MROH1: variants seen among roughly 807,000 people sequenced by gnomAD.
The protein encoded by MROH1 is maestro heat-like repeat-containing protein family member 1.
MROH1 carries 117 observed loss-of-function variants against 116.5 expected under a neutral mutation model. The ratio of observed to expected loss-of-function variants is 1.00; its 90% CI spans 0.86 to 1.17. The LOEUF is 1.17. Among genes scored for constraint, MROH1 ranks in the 50% most tolerant of loss-of-function variants. The pLI is 0.00. For synonymous variants in MROH1, 921 were observed against 583.9 expected, an observed-to-expected ratio of 1.58 and a Z score of -8.32; for missense variants, 1,873 against 1,338.5, an observed-to-expected ratio of 1.40 and a Z score of -6.23.
intron 12 of MROH1, among the ~76,000 whole-genome samples, chr8:144,205,188 C>G (rs1310254421): frequency 2.0e-5 from 3 of 152,198 alleles, no homozygotes; most frequent in African/African-American, 7.2e-5. Flanking sequence ...TTGCACCCAG[C>G]CAGAAGTCAT....
intron 14 of MROH1, among the ~76,000 whole-genome samples, chr8:144,236,749 TAAAATAAAATAAAAC>T (rs1485246469): frequency 6.6e-6 from 1 of 151,260 alleles, no homozygotes; most frequent in East Asian, 1.9e-4. Flanking sequence ...TCTCAAAAAA[TAAAATAAAATAAAAC>T]AAAATAAAAT....
intron 12 of MROH1, among the ~76,000 whole-genome samples, chr8:144,208,705 A>AC (rs1284907410): frequency 6.6e-6 from 1 of 151,386 alleles, no homozygotes; most frequent in African/African-American, 2.4e-5. Context: ...CTTTCCTTAC[A>AC]CCAATATCAC....
chr8:144,151,671 G>T (rs1414791901), intron 1 of MROH1, among the ~76,000 whole-genome samples: 1 of 152,210 alleles, frequency 6.6e-6, no homozygotes, highest in African/African-American at 2.4e-5. Context: ...GTCTAATTGA[G>T]CTGTTTAGCA....
rs1193368094 is a variant in MROH1, at chr8:144,258,903, C to G, written c.3918C>G (p.Thr1306=). The change falls in exon 36 of 44, where the codon ACC becomes ACG. Residue 1306 remains threonine, a synonymous_variant. Transcript: ENST00000326134. ...CGGCGGGGCATGAGGAGGGGGCCAC[C>G]AGGTTGGCCAGGTGAGCGGGCCCAG... ...RTSAGHEEGA[T]RLARAMAEHA... is the part of the protein sequence containing the mutation. The G allele has an allele frequency of 2.7e-6, 2 of 752,214 alleles. No homozygotes were observed. Among genetic ancestry groups the G allele is most frequent in the Admixed American group, 3.6e-5 (2 of 55,672 alleles). The allele number at this position is 752,214 out of a possible 1,614,324, so 46.6% of individuals were successfully genotyped here. A position where few individuals can be genotyped will look rare whatever the true frequency, so the allele number is the denominator to read the frequency against.
At chr8:144,161,460 C>T (rs1050688442) in intron 2 of MROH1, among the ~76,000 whole-genome samples, 3 of 152,190 alleles carry the variant, frequency 2.0e-5, no homozygotes, top group Admixed American at 6.6e-5. Context: ...TATCGGCCGG[C>T]ACTCCCCGTT....
intron 14 of MROH1, among the ~76,000 whole-genome samples, chr8:144,236,896 CTTTTTTTTTTTTTTTTT>C (rs1164804321): frequency 1.4e-5 from 1 of 69,322 alleles, no homozygotes; most frequent in African/African-American, 5.9e-5. Flanking sequence ...TCTCCTATTC[CTTTTTTTTTTTTTTTTT>C]TTTTTTTTTT....
intron 7 of MROH1, among the ~76,000 whole-genome samples, chr8:144,183,792 C>T (rs999102765): frequency 6.6e-6 from 1 of 152,042 alleles, no homozygotes; most frequent in Admixed American, 6.6e-5. Context: ...GGACTACAGG[C>T]GCCCACCACC....
rs759681632 is a variant in MROH1 at position 144,223,212 on chromosome 8, G to A, written c.1320G>A (p.Ala440=). 2.4e-5 allele frequency: 38 copies of A among 1,606,598 alleles called. No individual in the cohort carries two copies. The Middle Eastern group carries it at 8.3e-4, about 35-fold the overall frequency. Residue 440 remains alanine (A), a synonymous_variant, in exon 14 of 44, where the codon GCG becomes GCA. Transcript: ENST00000326134. ...AMIEYIVQQC[A]LPPEQEPEKP... The stretch of plus-strand genomic sequence containing the variant: ...TCGAGTACATCGTGCAGCAGTGCGC[G>A]CTGCCCCCCGAGCAGGAGGTAAGGG...
At chr8:144,255,250 CT>C (rs1673285489) in intron 34 of MROH1, among the ~76,000 whole-genome samples, 1 of 152,262 alleles carries the variant, frequency 6.6e-6, no homozygotes, top group Non-Finnish European at 1.5e-5. Context: ...TTCCCTCCTC[CT>C]CCTTTCTGAG....
At chr8:144,167,134 A>G (rs935165300) in intron 3 of MROH1, among the ~76,000 whole-genome samples, 1 of 151,926 alleles carries the variant, frequency 6.6e-6, no homozygotes, top group Non-Finnish European at 1.5e-5. Flanking sequence ...AGCAAAAGAG[A>G]GGGGACATCC....
At chr8:144,206,685 A>G (rs534331747) in intron 12 of MROH1, among the ~76,000 whole-genome samples, 41 of 150,832 alleles carry the variant, frequency 2.7e-4, no homozygotes, top group Admixed American at 9.2e-4. Context: ...CGGTCTCCCA[A>G]AGTGCTGGGA....
chr8:144,149,990 G>C (rs1420997142), intron 1 of MROH1, among the ~76,000 whole-genome samples: 6 of 152,136 alleles, frequency 3.9e-5, no homozygotes, highest in Non-Finnish European at 8.8e-5. Context: ...CTGACGCGTG[G>C]GTGGGGCATT....
intron 12 of MROH1, among the ~76,000 whole-genome samples, chr8:144,203,563 GA>G (rs1184799260): frequency 5.3e-5 from 8 of 152,094 alleles, no homozygotes. Context: ...TGGAGGGGAA[GA>G]GAGAGAAGCG....
chr8:144,259,921 G>A lies in MROH1; in HGVS notation c.4055G>A (p.Ser1352Asn). Residue 1352 changes from serine to asparagine, a missense_variant, in exon 38 of 44, where the codon AGC becomes AAC. Physicochemically the swap from Ser to Asn is conservative, Grantham distance 46 (BLOSUM62 1). Transcript: ENST00000326134. The stretch of plus-strand genomic sequence containing the variant: ...CACCTCTGCCTGCAGCTGCTGAACA[G>A]CAACGTGGCCAACGACCTCATGCTC... ...TTAFLAELLN[S>N]NVANDLMLLD... 1.4e-6 allele frequency: 1 copy of A among 739,078 alleles called. No individual in the cohort carries two copies. The highest frequency in any genetic ancestry group is 2.5e-6 in the Non-Finnish European group (1 of 397,730). 45.8% of individuals were successfully genotyped at this position (739,078 alleles called of 1,614,324 possible).
intron 14 of MROH1, among the ~76,000 whole-genome samples, chr8:144,227,904 G>T (rs965896795): frequency 1.3e-5 from 2 of 152,060 alleles, no homozygotes; most frequent in Non-Finnish European, 2.9e-5. Flanking sequence ...AGTGAGCTGT[G>T]ATCACACCAC....
intron 7 of MROH1, among the ~76,000 whole-genome samples, chr8:144,184,114 C>T (rs111250532): frequency 0.012 from 1,773 of 152,286 alleles, 25 homozygotes; most frequent in African/African-American, 0.038. Context: ...AATTTGTAAC[C>T]ATGGTCTGTC....
intron 14 of MROH1, among the ~76,000 whole-genome samples, chr8:144,234,585 C>T (rs112572327): frequency 0.026 from 3,156 of 121,852 alleles, 121 homozygotes; most frequent in African/African-American, 0.091. Flanking sequence ...GGCACAGTCT[C>T]GGCTCACTGC....
chr8:144,184,291 C>CG (rs1044884720), intron 7 of MROH1, among the ~76,000 whole-genome samples: 1 of 152,048 alleles, frequency 6.6e-6, no homozygotes, highest in Admixed American at 6.6e-5. Context: ...TGGCTCTGGC[C>CG]GGGGGGTGTG....
In MROH1 at chr8:144,223,138, G is replaced by A. The variant is rs778998699; in HGVS notation, c.1246G>A (p.Ala416Thr). 5.0e-6 allele frequency: 8 copies of A among 1,612,996 alleles called. No homozygotes were observed. Among genetic ancestry groups the A allele is most frequent in the South Asian group, 4.4e-5 (4 of 90,988 alleles). The change falls in exon 14 of 44, where the codon GCC (alanine) becomes ACC (threonine). Residue 416 changes from alanine (A) to threonine (T), a missense_variant. By Grantham distance (58) the Ala-to-Thr change is moderately conservative. Coordinates refer to ENST00000326134, the MANE Select transcript of MROH1 (RefSeq NM_032450.3). ...VKRAVVQVIS[A>T]MAHHGYLEQP... is the part of the protein sequence containing the mutation. ...GCGGGCAGTGGTGCAGGTGATTAGC[G>A]CCATGGCCCACCACGGCTACCTGGA...
Sources: allele counts gnomAD v4.1 joint callset (sites outside exome capture counted in the v4.1 genomes callset), GRCh38; gene constraint gnomAD v4.1.1; transcripts MANE v1.5; gene names NCBI Gene and HGNC (gene_info 2026-07-23, HGNC 2026-07-21).